Variants in SUSD4 observed in about 807,000 individuals in gnomAD.
The protein encoded by SUSD4 is sushi domain-containing protein 4.
SUSD4 carries 41 observed loss-of-function variants against 50.5 expected under a neutral mutation model. The ratio of observed to expected loss-of-function variants is 0.81; its 90% CI spans 0.63 to 1.05. The LOEUF is 1.05. Among genes scored for constraint, SUSD4 ranks in the 50% least tolerant of loss-of-function variants. SUSD4 has a pLI of 0.00. For synonymous variants in SUSD4, 257 were observed against 257.3 expected (o/e 1.00, Z 0.01); for missense variants, 580 against 634.7 (o/e 0.91, Z 0.93).
intron 5 of SUSD4, among the ~76,000 whole-genome samples, chr1:223,246,250 A>C (rs1660919829): frequency 6.6e-6 from 1 of 152,166 alleles, no homozygotes; most frequent in Non-Finnish European, 1.5e-5. Context: ...GCAGCTCCTC[A>C]CAAGCTGAGA....
intron 2 of SUSD4, among the ~76,000 whole-genome samples, chr1:223,295,206 T>C (rs1664744517): frequency 6.6e-6 from 1 of 152,050 alleles, no homozygotes; most frequent in South Asian, 2.1e-4. Context: ...GGGCCAAGTA[T>C]AAGGGAGGGC....
intron 2 of SUSD4, among the ~76,000 whole-genome samples, chr1:223,339,686 C>T (rs1003501506): frequency 6.6e-5 from 10 of 152,316 alleles, no homozygotes; most frequent in Admixed American, 3.3e-4. Flanking sequence ...ACCTTCTCAG[C>T]GTCTATGGGG....
At chr1:223,331,703 C>A (rs1667184866) in intron 2 of SUSD4, among the ~76,000 whole-genome samples, 1 of 152,164 alleles carries the variant, frequency 6.6e-6, no homozygotes, top group Non-Finnish European at 1.5e-5. Context: ...CTCATGGGAC[C>A]TTTTGTCCTC....
chr1:223,347,718 G>C (rs1210359710), intron 2 of SUSD4, among the ~76,000 whole-genome samples: 2 of 70,826 alleles, frequency 2.8e-5, no homozygotes, highest in Non-Finnish European at 6.0e-5. Context: ...ATTAATCTAA[G>C]GCGCTATTTT....
chr1:223,330,198 G>T (rs1199510529), intron 2 of SUSD4, among the ~76,000 whole-genome samples: 1 of 152,104 alleles, frequency 6.6e-6, no homozygotes, highest in African/African-American at 2.4e-5. Flanking sequence ...AGCTGGGGAG[G>T]TTTTGCAATT....
Position 223,223,428 on chromosome 1 carries a change from G to A in SUSD4, c.1265C>T (p.Thr422Ile), listed in dbSNP as rs1659266210. Residue 422 changes from threonine (T) to isoleucine (I), a missense_variant, in exon 8 of 9, where the codon ACA becomes ATA. Physicochemically the swap from Thr to Ile is moderately conservative, Grantham distance 89. Coordinates refer to ENST00000366878, the MANE Select transcript of SUSD4 (RefSeq NM_017982.4). ...ACAGGTTTCTGACTCCCCTGGGCCT[G>A]TGTCCGTGTCCCCTGAGCCGGGGTA... ...PAYPGSGDTD[T>I]GPGESETCDS... 1 of 1,613,876 alleles carries A rather than the reference G, an allele frequency of 6.2e-7. No individual in the cohort carries two copies. The highest frequency in any genetic ancestry group is 1.1e-5 in the South Asian group (1 of 91,064).
At chr1:223,222,266 C>A in intron 8 of SUSD4, 46 bp from the exon 9 acceptor site, 1 of 1,587,698 alleles carries the variant, frequency 6.3e-7, no homozygotes, top group Non-Finnish European at 8.6e-7. Context: ...CCAGAAAACA[C>A]CATGACGATC....
chr1:223,337,148 G>T (rs1323080063), intron 2 of SUSD4, among the ~76,000 whole-genome samples: 1 of 152,194 alleles, frequency 6.6e-6, no homozygotes, highest in Non-Finnish European at 1.5e-5. Context: ...ACATTTTGTA[G>T]AGCTCAAGTA....
intron 2 of SUSD4, among the ~76,000 whole-genome samples, chr1:223,333,297 T>C (rs1667277029): frequency 6.6e-6 from 1 of 152,152 alleles, no homozygotes; most frequent in Non-Finnish European, 1.5e-5. Flanking sequence ...AACCTCTCTC[T>C]GCCTACGTTT....
rs187962142 is a variant in SUSD4 at position 223,263,711 on chromosome 1, C to G, written c.724+919G>C. ...TCTGATCCTTCTGAGCAATAGTCACCCTCCATGACACACGTCCTACCCTGA... is the reference window on the plus strand; with the variant it reads ...TCTGATCCTTCTGAGCAATAGTCACGCTCCATGACACACGTCCTACCCTGA... On this transcript the variant is annotated intron_variant, in intron 5 of 8. Transcript: ENST00000366878. 6.1e-3 allele frequency: 6,056 copies of G among 985,406 alleles called. 24 individuals carry two copies. Among genetic ancestry groups the G allele is most frequent in the Admixed American group, 6.8e-3 (110 of 16,290 alleles). 61.0% of individuals were successfully genotyped at this position (985,406 alleles called of 1,614,324 possible).
At chr1:223,239,192 T>C (rs1212293655) in intron 5 of SUSD4, among the ~76,000 whole-genome samples, 1 of 152,078 alleles carries the variant, frequency 6.6e-6, no homozygotes, top group Non-Finnish European at 1.5e-5. Flanking sequence ...GGTACATTTT[T>C]TTCCATATAC....
chr1:223,285,245 C>T (rs1348420266), intron 3 of SUSD4, among the ~76,000 whole-genome samples: 1 of 152,082 alleles, frequency 6.6e-6, no homozygotes, highest in Non-Finnish European at 1.5e-5. Flanking sequence ...ACATGCAGAC[C>T]AGGAAGAGGG....
At chr1:223,250,666 G>C (rs1661241985) in intron 5 of SUSD4, among the ~76,000 whole-genome samples, 1 of 152,160 alleles carries the variant, frequency 6.6e-6, no homozygotes, top group Non-Finnish European at 1.5e-5. Flanking sequence ...TATCTGCTAA[G>C]ACATGTATTA....
chr1:223,227,523 C>A lies in SUSD4; in HGVS notation c.1061+71G>T, dbSNP rs535784847. On this transcript the variant is annotated intron_variant, in intron 7 of 8. Coordinates refer to ENST00000366878, the MANE Select transcript of SUSD4 (RefSeq NM_017982.4). This position sits in a 1 kb window ranked among gnomAD's most constrained non-coding sequence, Gnocchi z 4.5. ...GCTTCAACTTTTCACTCATCACTTT[C>A]TCCCTCTGCTGCTAAGGGTAGCTGC... 8.3e-5 allele frequency: 130 copies of A among 1,560,824 alleles called. No homozygotes were observed. The highest frequency in any genetic ancestry group is 1.1e-4 in the Non-Finnish European group (125 of 1,145,498).
chr1:223,314,367 G>A (rs1666054519), intron 2 of SUSD4, among the ~76,000 whole-genome samples: 1 of 152,098 alleles, frequency 6.6e-6, no homozygotes, highest in African/African-American at 2.4e-5. Context: ...AGAGCTGAAA[G>A]TTACATAGAT....
chr1:223,292,789 AT>A, intron 2 of SUSD4, 138 bp from the exon 3 acceptor site: 1 of 842,740 alleles, frequency 1.2e-6, no homozygotes, highest in Non-Finnish European at 1.8e-6. Context: ...AGCCAAGGAC[AT>A]TTTAGTGCAC....
chr1:223,276,017 A>G (rs1205805434), intron 3 of SUSD4, among the ~76,000 whole-genome samples: 2 of 152,238 alleles, frequency 1.3e-5, no homozygotes, highest in African/African-American at 4.8e-5. Flanking sequence ...ATGCTGCCTG[A>G]AAGCCTCGGT....
intron 2 of SUSD4, among the ~76,000 whole-genome samples, chr1:223,299,436 G>A (rs532240577): frequency 1.3e-5 from 2 of 152,292 alleles, no homozygotes; most frequent in South Asian, 4.1e-4. Flanking sequence ...TTTGTTTTTG[G>A]GGGGAGTGGG....
intron 3 of SUSD4, among the ~76,000 whole-genome samples, chr1:223,275,244 A>G (rs1030056700): frequency 2.6e-5 from 4 of 152,234 alleles, no homozygotes; most frequent in African/African-American, 7.2e-5. Context: ...GCAAATTTTC[A>G]GAAGACAATT....
Sources: allele counts gnomAD v4.1 joint callset (sites outside exome capture counted in the v4.1 genomes callset), GRCh38; gene constraint gnomAD v4.1.1; non-coding constraint Gnocchi (gnomAD v3.1); transcripts MANE v1.5; gene names NCBI Gene and HGNC (gene_info 2026-07-23, HGNC 2026-07-21).